LUZP2: variants seen among roughly 807,000 people sequenced by gnomAD.
The protein encoded by LUZP2 is leucine zipper protein 2.
LUZP2 carries 52 observed loss-of-function variants against 51.6 expected under a neutral mutation model. The observed-to-expected ratio is 1.01, with a 90% confidence interval of 0.81 to 1.27. The LOEUF (loss-of-function observed/expected upper bound fraction) is 1.27, where lower values mean the gene tolerates loss of function less well. Among genes scored for constraint, LUZP2 ranks in the 50% most tolerant of loss-of-function variants. LUZP2 has a pLI of 0.00. For synonymous variants in LUZP2, 154 were observed against 137.3 expected, an observed-to-expected ratio of 1.12 and a Z score of -0.85; for missense variants, 436 against 395.4, an observed-to-expected ratio of 1.10 and a Z score of -0.87.
At chr11:24,948,430 C>G (rs900709771) in intron 7 of LUZP2, among the ~76,000 whole-genome samples, 8 of 151,640 alleles carry the variant, frequency 5.3e-5, no homozygotes, top group African/African-American at 1.9e-4. Context: ...GGGGCTTTCT[C>G]AAAGGTAATT....
At chr11:24,570,838 T>C (rs1232256692) in intron 1 of LUZP2, among the ~76,000 whole-genome samples, 10 of 152,058 alleles carry the variant, frequency 6.6e-5, no homozygotes, top group Admixed American at 6.6e-4. Flanking sequence ...GAATAAATGC[T>C]TTTAAAGTTT....
At chr11:24,843,894 C>G (rs1851115534) in intron 5 of LUZP2, among the ~76,000 whole-genome samples, 1 of 152,156 alleles carries the variant, frequency 6.6e-6, no homozygotes, top group African/African-American at 2.4e-5. Context: ...GTGACTTGCT[C>G]CTCATTATGT....
chr11:24,991,212 G>A (rs137955667), intron 9 of LUZP2, among the ~76,000 whole-genome samples: 25 of 151,730 alleles, frequency 1.6e-4, no homozygotes, highest in African/African-American at 4.3e-4. Flanking sequence ...GAGTGAGAAC[G>A]TACGATGTTT....
intron 1 of LUZP2, among the ~76,000 whole-genome samples, chr11:24,581,698 T>TATAAAG (rs1852862303): frequency 7.1e-6 from 1 of 139,944 alleles, no homozygotes; most frequent in African/African-American, 3.0e-5. Context: ...TAAATATAAA[T>TATAAAG]ATAAATATAA....
chr11:24,801,146 C>A (rs1386151678), intron 5 of LUZP2, among the ~76,000 whole-genome samples: 1 of 152,094 alleles, frequency 6.6e-6, no homozygotes, highest in Admixed American at 6.6e-5. Flanking sequence ...GTGGATCCTG[C>A]TGAATCAACA....
chr11:24,518,307 C>A (rs147441303), intron 1 of LUZP2, among the ~76,000 whole-genome samples: 109 of 152,220 alleles, frequency 7.2e-4, no homozygotes, highest in African/African-American at 2.6e-3. Flanking sequence ...CTGCATGAAT[C>A]TAACATCTAG....
intron 5 of LUZP2, among the ~76,000 whole-genome samples, chr11:24,817,245 G>A (rs1347657226): frequency 6.6e-6 from 1 of 151,898 alleles, no homozygotes. Flanking sequence ...ATAACAACAA[G>A]TATGTGTCTA....
At chr11:25,023,338 C>T (rs1045236094) in intron 9 of LUZP2, among the ~76,000 whole-genome samples, 1 of 151,946 alleles carries the variant, frequency 6.6e-6, no homozygotes, top group Non-Finnish European at 1.5e-5. Flanking sequence ...TTGGTCTATT[C>T]GGGGATTCAA....
intron 1 of LUZP2, among the ~76,000 whole-genome samples, chr11:24,726,964 A>G (rs570366109): frequency 6.6e-6 from 1 of 152,268 alleles, no homozygotes; most frequent in Non-Finnish European, 1.5e-5. Flanking sequence ...AATCTAAAGT[A>G]GTACTGTTAA....
chr11:24,632,709 A>G (rs1018823398), intron 1 of LUZP2, among the ~76,000 whole-genome samples: 7 of 152,040 alleles, frequency 4.6e-5, no homozygotes, highest in Admixed American at 4.6e-4. Flanking sequence ...AAAAACATAA[A>G]CAATTACAGT....
intron 5 of LUZP2, among the ~76,000 whole-genome samples, chr11:24,867,221 G>T (rs990430994): frequency 1.3e-5 from 2 of 152,046 alleles, no homozygotes; most frequent in Admixed American, 6.6e-5. Flanking sequence ...CTCATCTTAC[G>T]GTAAGACAAG....
chr11:24,804,789 T>C (rs1849804476), intron 5 of LUZP2, among the ~76,000 whole-genome samples: 1 of 152,034 alleles, frequency 6.6e-6, no homozygotes, highest in Non-Finnish European at 1.5e-5. Context: ...GATGCCAAGG[T>C]GACATATTTT....
chr11:24,702,139 T>A (rs947671564), intron 1 of LUZP2, among the ~76,000 whole-genome samples: 1 of 152,208 alleles, frequency 6.6e-6, no homozygotes, highest in Admixed American at 6.5e-5. Flanking sequence ...AATTGTGAAT[T>A]GTTGGTAGTT....
intron 5 of LUZP2, among the ~76,000 whole-genome samples, chr11:24,794,507 C>T (rs1205167127): frequency 1.3e-5 from 2 of 152,042 alleles, no homozygotes; most frequent in East Asian, 1.9e-4. Flanking sequence ...AATTAAAACC[C>T]CAACCTCAGA....
intron 1 of LUZP2, among the ~76,000 whole-genome samples, chr11:24,600,221 A>T (rs935358113): frequency 8.7e-5 from 13 of 149,130 alleles, no homozygotes; most frequent in Non-Finnish European, 1.3e-4. Flanking sequence ...ACACACACGC[A>T]CAATGGGGTA....
At chr11:25,009,473 G>A (rs74346572) in intron 9 of LUZP2, among the ~76,000 whole-genome samples, 5,181 of 152,044 alleles carry the variant, frequency 0.034, 120 homozygotes, top group Non-Finnish European at 0.053. Flanking sequence ...GAATATTAGT[G>A]TTAGTACTTC....
intron 1 of LUZP2, among the ~76,000 whole-genome samples, chr11:24,675,024 T>G (rs541504031): frequency 6.6e-6 from 1 of 152,366 alleles, no homozygotes; most frequent in East Asian, 1.9e-4. Context: ...TTAAACTAGT[T>G]TCTAGGCAGT....
chr11:25,056,618 A>G (rs1263860069), intron 10 of LUZP2, among the ~76,000 whole-genome samples: 1 of 152,106 alleles, frequency 6.6e-6, no homozygotes, highest in African/African-American at 2.4e-5. Context: ...TCCCTTTATC[A>G]ATATAAGGTA....
At chr11:24,989,030 A>G (rs1303098684) in intron 9 of LUZP2, among the ~76,000 whole-genome samples, 1 of 151,686 alleles carries the variant, frequency 6.6e-6, no homozygotes, top group Non-Finnish European at 1.5e-5. Context: ...CCCAGTGCAG[A>G]TCTGATCATT....
Sources: allele counts gnomAD v4.1 joint callset (sites outside exome capture counted in the v4.1 genomes callset), GRCh38; gene constraint gnomAD v4.1.1; transcripts MANE v1.5; gene names NCBI Gene and HGNC (gene_info 2026-07-23, HGNC 2026-07-21).